Variants in NPEPPS observed in about 807,000 individuals in gnomAD.
NPEPPS encodes the protein aminopeptidase puromycin sensitive.
A neutral mutation model predicts 115.5 loss-of-function variants in NPEPPS; 14 were observed. That is an observed-to-expected ratio of 0.12 (90% CI 0.08 to 0.19). NPEPPS has a LOEUF of 0.19. Ranked by LOEUF, NPEPPS falls within the 10% of genes least tolerant of loss-of-function variation. The probability of loss-of-function intolerance (pLI) is 1.00; values close to 1 mark genes in which losing one functional copy is unlikely to be tolerated. For synonymous variants in NPEPPS, 285 were observed against 390.6 expected (o/e 0.73, Z 3.19); for missense variants, 523 against 1,110.8 (o/e 0.47, Z 7.52).
At chr17:47,550,900 T>A (rs1433774893) in intron 2 of NPEPPS, among the ~76,000 whole-genome samples, 1 of 152,116 alleles carries the variant, frequency 6.6e-6, no homozygotes, top group Non-Finnish European at 1.5e-5. Flanking sequence ...GTGCTGGGAT[T>A]ACCAGGCATG....
At chr17:47,558,781 T>TCCCAGCACTTTGGGAGGCCGAG (rs1308878833) in intron 2 of NPEPPS, among the ~76,000 whole-genome samples, 22 of 151,146 alleles carry the variant, frequency 1.5e-4, no homozygotes, top group South Asian at 8.7e-4. Flanking sequence ...ACGCTTGTAA[T>TCCCAGCACTTTGGGAGGCCGAG]CCCAGCACTT....
At position 47,617,511 on chromosome 17, in the gene NPEPPS, A is replaced by ATATT. The variant is rs1555613524; in HGVS notation, c.2296-838_2296-837insATTT. On this transcript the variant is annotated intron_variant, in intron 19 of 22. Coordinates refer to ENST00000322157, the MANE Select transcript of NPEPPS (RefSeq NM_006310.4). ...TGTGCCCAGCCATATATATATATAT[A>ATATT]TTTTTTAGGATAATTCTGCTTTGTC... 4.5e-4 allele frequency among the ~76,000 whole-genome samples: 68 copies of ATATT among 151,456 alleles called. 1 individual carries two copies. Among genetic ancestry groups the ATATT allele is most frequent in the Admixed American group, 1.1e-3 (16 of 15,170 alleles).
intron 1 of NPEPPS, among the ~76,000 whole-genome samples, chr17:47,532,355 C>T (rs567854822): frequency 6.6e-6 from 1 of 152,206 alleles, no homozygotes; most frequent in Non-Finnish European, 1.5e-5. Context: ...TTAGCAGTAC[C>T]TTCCTCTCCC....
chr17:47,550,412 G>A (rs538745021), intron 2 of NPEPPS, among the ~76,000 whole-genome samples: 7 of 146,010 alleles, frequency 4.8e-5, no homozygotes, highest in Non-Finnish European at 1.0e-4. Context: ...ACTGCAACTA[G>A]TAGAACTTAC....
At chr17:47,529,883 C>T (rs1274550616), upstream of NPEPPS, among the ~76,000 whole-genome samples, 2 of 138,556 alleles carry the variant, frequency 1.4e-5, no homozygotes, top group East Asian at 4.1e-4. Context: ...TAAAAAGAAA[C>T]AAAGATGAAA....
intron 22 of NPEPPS, 59 bp downstream of exon 22, chr17:47,619,843 G>A (rs1914433690): frequency 1.6e-6 from 2 of 1,284,992 alleles, no homozygotes; most frequent in African/African-American, 1.5e-5. Flanking sequence ...ACAATAACCT[G>A]GTTGTAATTA....
upstream of NPEPPS, among the ~76,000 whole-genome samples, chr17:47,530,351 G>GTTTTTTT (rs58886094): frequency 1.0e-5 from 1 of 97,822 alleles, no homozygotes; most frequent in Non-Finnish European, 1.9e-5. Context: ...ATTATTAAAG[G>GTTTTTTT]TTTTTTTTTT....
At chr17:47,549,736 G>A (rs968973411) in intron 2 of NPEPPS, among the ~76,000 whole-genome samples, 50 of 141,236 alleles carry the variant, frequency 3.5e-4, no homozygotes, top group Admixed American at 3.3e-3. Flanking sequence ...AGTGGAGATT[G>A]TGCCACTGCA....
intron 14 of NPEPPS, among the ~76,000 whole-genome samples, chr17:47,600,388 A>T (rs1438903630): frequency 6.6e-6 from 1 of 152,124 alleles, no homozygotes; most frequent in African/African-American, 2.4e-5. Context: ...GTGAGCCGTG[A>T]TTGTGCCATT....
intron 10 of NPEPPS, 56 bp downstream of exon 10, chr17:47,590,937 C>T (rs772801507): frequency 1.3e-5 from 19 of 1,463,902 alleles, no homozygotes; most frequent in Middle Eastern, 3.6e-4. Flanking sequence ...CAATGAAATA[C>T]GTAATTTGTT....
intron 21 of NPEPPS, chr17:47,619,399 C>A: frequency 1.9e-6 from 1 of 529,062 alleles, no homozygotes. Context: ...ACTAAAAATA[C>A]AAAAATTAGC....
chr17:47,569,395 G>C, intron 2 of NPEPPS, 22 bp from the exon 3 acceptor site: 1 of 1,495,972 alleles, frequency 6.7e-7, no homozygotes, highest in Non-Finnish European at 9.3e-7. Flanking sequence ...GAATTGTAAA[G>C]TAATTTTTTT....
chr17:47,606,332 G>T (rs957407966), intron 17 of NPEPPS, among the ~76,000 whole-genome samples: 42 of 152,048 alleles, frequency 2.8e-4, no homozygotes, highest in African/African-American at 1.0e-3. Flanking sequence ...ATTATTTAAA[G>T]GTTTTACATA....
At chr17:47,579,918 T>A (rs1194661047) in intron 4 of NPEPPS, 1 of 170,380 alleles carries the variant, frequency 5.9e-6, no homozygotes, top group African/African-American at 2.5e-5. Context: ...TGTCTTTGAT[T>A]TTTTTTTTCT....
chr17:47,605,631 A>G (rs913022727), intron 17 of NPEPPS, 79 bp downstream of exon 17: 2 of 849,472 alleles, frequency 2.4e-6, no homozygotes, highest in African/African-American at 1.7e-5. Context: ...AATTAATATC[A>G]TCTTTGTATC....
At chr17:47,586,431 T>C in intron 8 of NPEPPS, 33 bp downstream of exon 8, 2 of 1,516,002 alleles carry the variant, frequency 1.3e-6, no homozygotes, top group South Asian at 2.5e-5. Flanking sequence ...TGCCTTATCT[T>C]TTCAAATCAC....
chr17:47,590,290 G>T (rs1382716185), intron 9 of NPEPPS, among the ~76,000 whole-genome samples: 1 of 152,048 alleles, frequency 6.6e-6, no homozygotes, highest in Non-Finnish European at 1.5e-5. Flanking sequence ...TTGGGAGGCC[G>T]AGGCAGGTGG....
chr17:47,555,329 A>G (rs1248529644), intron 2 of NPEPPS, among the ~76,000 whole-genome samples: 1 of 148,930 alleles, frequency 6.7e-6, no homozygotes, highest in Admixed American at 6.9e-5. Flanking sequence ...TGTTAGTAAC[A>G]TTGTAGTGTA....
At chr17:47,578,534 A>G (rs1329131117) in intron 3 of NPEPPS, among the ~76,000 whole-genome samples, 2 of 152,112 alleles carry the variant, frequency 1.3e-5, no homozygotes, top group Non-Finnish European at 2.9e-5. Context: ...ATAATTTTTT[A>G]TGTTATAAAA....
Sources: gnomAD v4.1 joint callset for allele counts (sites outside exome capture counted in the v4.1 genomes callset) on GRCh38, gnomAD v4.1.1 for gene constraint, MANE v1.5 for transcripts, NCBI Gene and HGNC (gene_info 2026-07-23, HGNC 2026-07-21) for gene names.